Variants in AP2A1 observed in about 807,000 individuals in gnomAD.
AP2A1 encodes AP-2 complex subunit alpha-1.
In AP2A1, 21 loss-of-function variants were observed where a neutral mutation model predicts 107.3. That is an observed-to-expected ratio of 0.20 (90% confidence interval 0.14 to 0.28). The LOEUF is 0.28. AP2A1 is among the 10% of genes least tolerant of loss of function. AP2A1 has a pLI of 1.00. For missense variants in AP2A1, 873 were observed against 1,307.7 expected, an observed-to-expected ratio of 0.67 and a Z score of 5.13; for synonymous variants, 602 against 564.8, an observed-to-expected ratio of 1.07 and a Z score of -0.93.
At chr19:49,776,837 C>A (rs555719122) in intron 1 of AP2A1, among the ~76,000 whole-genome samples, 1 of 152,150 alleles carries the variant, frequency 6.6e-6, no homozygotes, top group Non-Finnish European at 1.5e-5. Context: ...TTTTGAAGAC[C>A]GAGAGCTTTT....
At chr19:49,775,732 G>T (rs2084611169) in intron 1 of AP2A1, among the ~76,000 whole-genome samples, 1 of 152,184 alleles carries the variant, frequency 6.6e-6, no homozygotes, top group Non-Finnish European at 1.5e-5. Flanking sequence ...ATTCAGGGCT[G>T]CTGGGGCTTG....
At position 49,805,741 on chromosome 19, in the gene AP2A1, C is replaced by A. The variant is rs778345113; in HGVS notation, c.2549C>A (p.Ala850Asp). The stretch of plus-strand genomic sequence containing the variant: ...TTCTTCCAGCCCACCGAGATGGCGG[C>A]CCAGGATTTCTTCCAGCGCTGGAAG... ...NKFFQPTEMAAQDFFQRWKQL... is the reference protein window; with the variant it reads ...NKFFQPTEMADQDFFQRWKQL... Residue 850 changes from alanine to aspartate, a missense_variant, in exon 20 of 23, where the codon GCC (alanine) becomes GAC (aspartate). Around this residue, in one of 4 missense-constraint regions of AP2A1, gnomAD observed 416 missense variants for 473.4 expected, o/e 0.88. Coordinates refer to ENST00000354293, the MANE Select transcript of AP2A1 (RefSeq NM_130787.3). 7.6e-6 allele frequency: 12 copies of A among 1,586,156 alleles called. No homozygotes were observed. The African/African-American group carries it at 1.6e-4, about 21-fold the overall frequency.
Position 49,802,565 on chromosome 19 carries a change from A to G in AP2A1, c.2115-384A>G, listed in dbSNP as rs370161023. Reference sequence around the variant, plus strand: ...GGAGCCGCCTGCCCCCGAGAGCCCCATGGCTTTGCTGGCTGACCCAGCTCC... The same window carrying G: ...GGAGCCGCCTGCCCCCGAGAGCCCCGTGGCTTTGCTGGCTGACCCAGCTCC... On this transcript the variant is annotated intron_variant, in intron 15 of 22. Coordinates refer to ENST00000354293, the MANE Select transcript of AP2A1 (RefSeq NM_130787.3). 4.1e-5 allele frequency: 65 copies of G among 1,595,226 alleles called. No homozygotes were observed. The highest frequency in any genetic ancestry group is 3.3e-4 in the Middle Eastern group (2 of 6,022).
rs183638629 is a variant in AP2A1, at chr19:49,806,429, C to T, written c.2790+176C>T. 1.7e-4 allele frequency: 239 copies of T among 1,435,598 alleles called. No homozygotes were observed. In the African/African-American group the frequency reaches 2.4e-3, roughly 15 times the overall value. The allele number at this position is 1,435,598 out of a possible 1,614,324, so 88.9% of individuals were successfully genotyped here. On this transcript the variant is annotated intron_variant, in intron 22 of 22. Coordinates refer to ENST00000354293, the MANE Select transcript of AP2A1 (RefSeq NM_130787.3). ...TATCAGTTTAATCTCCTGTCTCCAACCTCTGGTGTTCCTCTCCTCTTCCTG... is the reference window on the plus strand; with the variant it reads ...TATCAGTTTAATCTCCTGTCTCCAATCTCTGGTGTTCCTCTCCTCTTCCTG...
rs550491014 is a variant in AP2A1 at position 49,799,375 on chromosome 19, G to A, written c.1014G>A (p.Leu338=). The A allele has an allele frequency of 3.7e-6, 6 of 1,612,294 alleles. No individual in the cohort carries two copies. Among genetic ancestry groups the A allele is most frequent in the South Asian group, 3.3e-5 (3 of 90,894 alleles). The change falls in exon 9 of 23, where the codon CTG becomes CTA. Residue 338 remains leucine (L), a synonymous_variant. Transcript: ENST00000354293. ...CCTGCAACCAGCTGGGCCAGTTCCT[G>A]CAGCACCGGGAGACCAACCTGCGCT... ...VRACNQLGQF[L]QHRETNLRYL...
intron 1 of AP2A1, among the ~76,000 whole-genome samples, chr19:49,770,474 G>C (rs746178278): frequency 1.3e-5 from 2 of 152,178 alleles, no homozygotes; most frequent in African/African-American, 2.4e-5. Context: ...CCAGCCCTGT[G>C]GGGGAGAAGG....
intron 1 of AP2A1, among the ~76,000 whole-genome samples, chr19:49,778,902 CAT>C (rs3038856): frequency 0.48 from 72,835 of 150,320 alleles, 17,769 homozygotes; most frequent in East Asian, 0.55. Context: ...ATGACAAAAC[CAT>C]ATATATATAG....
chr19:49,802,013 G>T lies in AP2A1; in HGVS notation c.1986G>T (p.Gly662=). 6.4e-7 allele frequency: 1 copy of T among 1,552,494 alleles called. No homozygotes were observed. ...CCTCGCCCTCCGCCGACCTCCTGGG[G>T]CTGCGGGCAGCCCCTCCCCCGGCAG... is the stretch of plus-strand genomic sequence containing the variant. ...STPSPSADLL[G]LRAAPPPAAP... Residue 662 remains glycine (G), a synonymous_variant, in exon 15 of 23, where the codon GGG becomes GGT. Coordinates refer to ENST00000354293, the MANE Select transcript of AP2A1 (RefSeq NM_130787.3).
intron 12 of AP2A1, 123 bp downstream of exon 12, chr19:49,801,181 A>T (rs2073274404): frequency 1.9e-6 from 2 of 1,075,624 alleles, no homozygotes; most frequent in Non-Finnish European, 2.6e-6. Flanking sequence ...CTCCACCCCA[A>T]TCCACCTAGC....
intron 4 of AP2A1, among the ~76,000 whole-genome samples, chr19:49,784,736 T>A (rs2123700825): frequency 6.6e-6 from 1 of 151,718 alleles, no homozygotes; most frequent in East Asian, 1.9e-4. Flanking sequence ...CCGGGTGGGG[T>A]GCTGTGTGCC....
Position 49,785,189 on chromosome 19 carries a change from G to C in AP2A1, c.473+2465G>C, listed in dbSNP as rs1329825612. 6.6e-6 allele frequency among the ~76,000 whole-genome samples: 1 copy of C among 152,194 alleles called. No individual in the cohort carries two copies. The highest frequency in any genetic ancestry group is 1.5e-5 in the Non-Finnish European group (1 of 68,038). ...AATGGATGAAAGAGGCTGATCCCCAGATTCAAATAGGCCAGGAAATCATAA... is the reference window on the plus strand; with the variant it reads ...AATGGATGAAAGAGGCTGATCCCCACATTCAAATAGGCCAGGAAATCATAA... On this transcript the variant is annotated intron_variant, in intron 4 of 22. Coordinates refer to ENST00000354293, the MANE Select transcript of AP2A1 (RefSeq NM_130787.3). The surrounding 1 kb of genome is among the most constrained non-coding windows in gnomAD (Gnocchi z 4.1).
chr19:49,783,327 T>G (rs2084700010), intron 4 of AP2A1, among the ~76,000 whole-genome samples: 1 of 152,062 alleles, frequency 6.6e-6, no homozygotes, highest in South Asian at 2.1e-4. Context: ...CAATCTCTAC[T>G]AAAAATACCA....
Position 49,795,633 on chromosome 19 carries a change from G to A in AP2A1, c.709G>A (p.Val237Ile), listed in dbSNP as rs1214171426. 12 of 1,456,774 alleles carry A rather than the reference G, an allele frequency of 8.2e-6. No homozygotes were observed. The highest frequency in any genetic ancestry group is 4.2e-5 in the Admixed American group (2 of 47,124). 90.2% of individuals were successfully genotyped at this position (1,456,774 alleles called of 1,614,324 possible). Residue 237 changes from valine (V) to isoleucine (I), a missense_variant, in exon 7 of 23, where the codon GTC becomes ATC. By Grantham distance (29) the Val-to-Ile change is conservative (BLOSUM62 3). Coordinates refer to ENST00000354293, the MANE Select transcript of AP2A1 (RefSeq NM_130787.3). ...ATTTCTTGCTCTTCCCCGCCAGATC[G>A]TCTCCTCTGCCTCCACCGACCTCCA... ...SLAVSRLSRI[V>I]SSASTDLQDY...
intron 4 of AP2A1, among the ~76,000 whole-genome samples, chr19:49,787,511 C>T (rs1283877374): frequency 1.4e-5 from 2 of 142,394 alleles, no homozygotes; most frequent in African/African-American, 5.2e-5. Context: ...CCACACCTGG[C>T]TATTTTTTTT....
At chr19:49,773,082 G>A (rs2084581860) in intron 1 of AP2A1, among the ~76,000 whole-genome samples, 1 of 152,056 alleles carries the variant, frequency 6.6e-6, no homozygotes, top group Admixed American at 6.6e-5. Flanking sequence ...GGCACAGTGG[G>A]GCTATGGGGA....
At chr19:49,778,431 T>C (rs1190652135) in intron 1 of AP2A1, among the ~76,000 whole-genome samples, 1 of 151,974 alleles carries the variant, frequency 6.6e-6, no homozygotes, top group African/African-American at 2.4e-5. Flanking sequence ...AAAAATACAC[T>C]AATTAGCTGG....
chr19:49,805,367 G>C, intron 18 of AP2A1, 86 bp from the exon 19 acceptor site: 1 of 1,411,180 alleles, frequency 7.1e-7, no homozygotes, highest in Non-Finnish European at 9.4e-7. Context: ...CTGCAGGCGG[G>C]AGCTGCCGGG....
At position 49,802,505 on chromosome 19, in the gene AP2A1, C is replaced by G. The variant is rs141756376; in HGVS notation, c.2114+364C>G. ...TGGCTGCCTGCCACGCCTGTCTTCT[C>G]TTGTCTGCTCTGGGATTGGATGGCT... On this transcript the variant is annotated intron_variant, in intron 15 of 22. Coordinates refer to ENST00000354293, the MANE Select transcript of AP2A1 (RefSeq NM_130787.3). The G allele has an allele frequency of 2.1e-3, 3,287 of 1,603,106 alleles. 4 individuals are homozygous for G. Among genetic ancestry groups the G allele is most frequent in the Non-Finnish European group, 2.6e-3 (3,016 of 1,178,926 alleles).
At chr19:49,806,391 AC>A in intron 22 of AP2A1, 138 bp downstream of exon 22, 6 of 1,432,720 alleles carry the variant, frequency 4.2e-6, no homozygotes, top group Non-Finnish European at 5.5e-6. Context: ...GTCCACTTTT[AC>A]TCCTCTTTAT....
Sources: gnomAD v4.1 joint callset for allele counts (sites outside exome capture counted in the v4.1 genomes callset) on GRCh38, gnomAD v4.1.1 for gene constraint, gnomAD v4.1.1 regional missense constraint, Gnocchi (gnomAD v3.1) non-coding constraint, MANE v1.5 for transcripts, NCBI Gene and HGNC (gene_info 2026-07-23, HGNC 2026-07-21) for gene names.